TECPR2: variants seen among roughly 807,000 people sequenced by gnomAD.
TECPR2 encodes tectonin beta-propeller repeat containing 2.
TECPR2 carries 65 observed loss-of-function variants against 138.1 expected under a neutral mutation model. The ratio of observed to expected loss-of-function variants is 0.47; its 90% CI spans 0.39 to 0.58. The LOEUF is 0.58. TECPR2 is among the 20% of genes least tolerant of loss of function. The pLI is 0.00. For synonymous variants in TECPR2, 746 were observed against 749.8 expected, an observed-to-expected ratio of 0.99 and a Z score of 0.08; for missense variants, 1,553 against 1,824.5, an observed-to-expected ratio of 0.85 and a Z score of 2.71.
chr14:102,456,415 A>T (rs1258411439), intron 16 of TECPR2, among the ~76,000 whole-genome samples: 1 of 152,148 alleles, frequency 6.6e-6, no homozygotes, highest in Admixed American at 6.5e-5. Flanking sequence ...GAGAGAATGC[A>T]GCAAGTCCAG....
At chr14:102,414,346 A>G (rs981418663) in intron 4 of TECPR2, among the ~76,000 whole-genome samples, 1 of 152,246 alleles carries the variant, frequency 6.6e-6, no homozygotes, top group Admixed American at 6.5e-5. Context: ...GGTGCACAGT[A>G]AAGAATGTAT....
chr14:102,480,143 C>T lies in TECPR2; in HGVS notation c.3789+14854C>T, dbSNP rs184335220. Among the ~76,000 whole-genome samples the T allele has an allele frequency of 9.1e-3, 1,390 of 152,152 alleles. 84 individuals carry two copies. Among genetic ancestry groups the T allele is most frequent in the Admixed American group, 0.086 (1,318 of 15,276 alleles). On this transcript the variant is annotated intron_variant, in intron 17 of 19. Coordinates refer to ENST00000359520, the MANE Select transcript of TECPR2 (RefSeq NM_014844.5). ...CATCAGAGGAGCTTATTAAAAATGTCCAGGCCTCGGCCCTCCCTGGAGATA... is the reference window on the plus strand; with the variant it reads ...CATCAGAGGAGCTTATTAAAAATGTTCAGGCCTCGGCCCTCCCTGGAGATA...
chr14:102,411,709 A>AAAAAAAC, intron 4 of TECPR2, among the ~76,000 whole-genome samples: 1 of 132,048 alleles, frequency 7.6e-6, no homozygotes, highest in Non-Finnish European at 1.6e-5. Flanking sequence ...CAAAAAAAAA[A>AAAAAAAC]AAAAAAAAAA....
Position 102,401,454 on chromosome 14 carries a change from A to C in TECPR2, c.220-5884A>C, listed in dbSNP as rs528993283. ...AACTCCATCTCAAAAAAAAAAAAAA[A>C]AACAAAAAACAATCCTACTATATGC... is the stretch of plus-strand genomic sequence containing the variant. On this transcript the variant is annotated intron_variant, in intron 2 of 19. Coordinates refer to ENST00000359520, the MANE Select transcript of TECPR2 (RefSeq NM_014844.5). Among the ~76,000 whole-genome samples the C allele has an allele frequency of 1.4e-3, 206 of 151,338 alleles. 1 individual carries two copies. Among genetic ancestry groups the C allele is most frequent in the African/African-American group, 4.1e-3 (168 of 41,284 alleles).
intron 1 of TECPR2, among the ~76,000 whole-genome samples, chr14:102,371,407 T>C (rs1887505579): frequency 1.3e-5 from 2 of 152,140 alleles, no homozygotes; most frequent in Admixed American, 6.5e-5. Context: ...TTGCTGGGAG[T>C]TGGCCTCAAC....
chr14:102,432,771 C>T (rs528242978), intron 8 of TECPR2, among the ~76,000 whole-genome samples: 279 of 151,780 alleles, frequency 1.8e-3, no homozygotes, highest in African/African-American at 6.3e-3. Flanking sequence ...TTTGGGAGGC[C>T]GAGGCAGGCG....
intron 2 of TECPR2, 58 bp from the exon 3 acceptor site, chr14:102,407,279 GT>G (rs1369082396): frequency 1.3e-6 from 2 of 1,528,476 alleles, no homozygotes; most frequent in Non-Finnish European, 1.8e-6. Flanking sequence ...TGTCCTCCTT[GT>G]TTTACATTTT....
intron 2 of TECPR2, among the ~76,000 whole-genome samples, chr14:102,405,115 G>A (rs1356754253): frequency 6.6e-6 from 1 of 151,746 alleles, no homozygotes; most frequent in East Asian, 2.0e-4. Flanking sequence ...TGAGACTAGC[G>A]GGGCCAACAT....
intron 12 of TECPR2, among the ~76,000 whole-genome samples, chr14:102,444,657 A>T (rs1432708276): frequency 1.3e-5 from 2 of 152,208 alleles, no homozygotes; most frequent in African/African-American, 4.8e-5. Flanking sequence ...GCAAGCCAAT[A>T]AACTTTCAGT....
At chr14:102,455,737 G>A (rs1364932925) in intron 16 of TECPR2, among the ~76,000 whole-genome samples, 1 of 152,018 alleles carries the variant, frequency 6.6e-6, no homozygotes, top group African/African-American at 2.4e-5. Flanking sequence ...TCAACCTCCC[G>A]AGTAGCTGAG....
At chr14:102,411,012 T>TTCTC in intron 4 of TECPR2, among the ~76,000 whole-genome samples, 1 of 152,410 alleles carries the variant, frequency 6.6e-6, no homozygotes, top group East Asian at 1.9e-4. Flanking sequence ...TCCATTTAGT[T>TTCTC]TCTCAATTCA....
chr14:102,386,119 C>T (rs1335924712), intron 2 of TECPR2, among the ~76,000 whole-genome samples: 1 of 151,956 alleles, frequency 6.6e-6, no homozygotes, highest in African/African-American at 2.4e-5. Flanking sequence ...TTTTGAGCGC[C>T]CATTATATAT....
chr14:102,450,600 TG>T lies in TECPR2; in HGVS notation c.3358del (p.Ala1120LeufsTer94). 6.2e-7 allele frequency: 1 copy of T among 1,614,232 alleles called. No homozygotes were observed. The highest frequency in any genetic ancestry group is 8.5e-7 in the Non-Finnish European group (1 of 1,180,026). The part of the protein sequence containing the change: ...NHVVPRGTAS[A>X]TKWAFVLASA... ...ATGTGGTTCCCCGTGGGACAGCTTCTGCTACAAAATGGGCCTTTGTGTTGGC... is the reference window on the plus strand; with the variant it reads ...ATGTGGTTCCCCGTGGGACAGCTTCTCTACAAAATGGGCCTTTGTGTTGGC... On this transcript the variant is annotated frameshift_variant, in exon 15 of 20. Transcript: ENST00000359520. LOFTEE classifies it high-confidence loss of function.
chr14:102,399,558 C>T (rs1366933721), intron 2 of TECPR2, among the ~76,000 whole-genome samples: 1 of 152,042 alleles, frequency 6.6e-6, no homozygotes, highest in Non-Finnish European at 1.5e-5. Flanking sequence ...TGGCCGGGCA[C>T]GGTGGCTCAT....
At chr14:102,463,682 G>A (rs1258654808) in intron 16 of TECPR2, among the ~76,000 whole-genome samples, 2 of 152,008 alleles carry the variant, frequency 1.3e-5, no homozygotes, top group South Asian at 2.1e-4. Context: ...CCAGCACTTC[G>A]GGAGGCTGAG....
chr14:102,403,681 G>A lies in TECPR2; in HGVS notation c.220-3657G>A, dbSNP rs11847599. ...AATACATGAAACTGACATAGTAGCA[G>A]CATACAAAGTCAATGCACAAAAATC... On this transcript the variant is annotated intron_variant, in intron 2 of 19. Coordinates refer to ENST00000359520, the MANE Select transcript of TECPR2 (RefSeq NM_014844.5). Among the ~76,000 whole-genome samples, 1,036 of 152,156 alleles carry A rather than the reference G, an allele frequency of 6.8e-3. 15 individuals are homozygous for A. Among genetic ancestry groups the A allele is most frequent in the African/African-American group, 0.023 (972 of 41,512 alleles).
Position 102,431,890 on chromosome 14 carries a change from C to T in TECPR2, c.1179C>T (p.Leu393=). ...LPGATVSETR[L]RGSSMASSVA... is the part of the protein sequence containing the mutation. Reference sequence around the variant, plus strand: ...GGGCCACAGTTTCTGAGACGAGGCTCAGAGGCTCTTCCATGGCCAGCTCCG... The same window carrying T: ...GGGCCACAGTTTCTGAGACGAGGCTTAGAGGCTCTTCCATGGCCAGCTCCG... The change falls in exon 8 of 20, where the codon CTC becomes CTT. Residue 393 remains leucine (L), a synonymous_variant. Transcript: ENST00000359520. 1 of 1,609,156 alleles carries T rather than the reference C, an allele frequency of 6.2e-7. No individual in the cohort carries two copies.
intron 16 of TECPR2, among the ~76,000 whole-genome samples, chr14:102,463,191 C>T (rs576756488): frequency 3.3e-5 from 5 of 151,898 alleles, no homozygotes; most frequent in Admixed American, 2.6e-4. Context: ...GAGGCCGAGA[C>T]GGATCACCTG....
chr14:102,454,832 G>A (rs888506028), intron 16 of TECPR2, among the ~76,000 whole-genome samples: 1 of 152,184 alleles, frequency 6.6e-6, no homozygotes, highest in African/African-American at 2.4e-5. Context: ...TCCCTTGCAC[G>A]TCCCCTTCCC....
Sources: allele counts gnomAD v4.1 joint callset (sites outside exome capture counted in the v4.1 genomes callset), GRCh38; gene constraint gnomAD v4.1.1; transcripts MANE v1.5; gene names NCBI Gene and HGNC (gene_info 2026-07-23, HGNC 2026-07-21).